Variants in TRAF7 observed in about 807,000 individuals in gnomAD.
TRAF7 encodes TNF receptor associated factor 7.
Under a neutral mutation model 89.3 loss-of-function variants are expected in TRAF7, and 45 were observed. The observed-to-expected ratio is 0.50, with a 90% confidence interval of 0.40 to 0.65. The LOEUF (loss-of-function observed/expected upper bound fraction) is 0.65. Among genes scored for constraint, TRAF7 ranks in the 30% least tolerant of loss-of-function variants. TRAF7 has a pLI of 0.00. For synonymous variants in TRAF7, 406 were observed against 369.2 expected (o/e 1.10, Z -1.14); for missense variants, 677 against 918.1 (o/e 0.74, Z 3.39).
intron 2 of TRAF7, among the ~76,000 whole-genome samples, chr16:2,165,194 A>G (rs2093078924): frequency 7.2e-6 from 1 of 138,984 alleles, no homozygotes; most frequent in Admixed American, 7.1e-5. Flanking sequence ...TAAGCGTGTG[A>G]GTGCTGCATG....
rs1483326050 is a variant in TRAF7, at chr16:2,177,674, C to T, written c.*1100C>T. 2 of 241,376 alleles carry T rather than the reference C, an allele frequency of 8.3e-6. No individual in the cohort carries two copies. Among genetic ancestry groups the T allele is most frequent in the Non-Finnish European group, 1.6e-5 (2 of 122,706 alleles). 15.0% of individuals were successfully genotyped at this position (241,376 alleles called of 1,614,324 possible). ...CTCAGAGGAGCTGCAAGCCCGTGGCCTGGCCTGCTACATGCCCTGCTTCCA... is the reference window on the plus strand; with the variant it reads ...CTCAGAGGAGCTGCAAGCCCGTGGCTTGGCCTGCTACATGCCCTGCTTCCA... On this transcript the variant is annotated 3_prime_UTR_variant, in exon 21 of 21. Coordinates refer to ENST00000326181, the MANE Select transcript of TRAF7 (RefSeq NM_032271.3).
chr16:2,174,012 C>T lies in TRAF7; in HGVS notation c.1227C>T (p.Asp409=), dbSNP rs1443792690. The T allele has an allele frequency of 6.2e-7, 1 of 1,613,732 alleles. No homozygotes were observed. Among genetic ancestry groups the T allele is most frequent in the South Asian group, 1.1e-5 (1 of 91,090 alleles). Residue 409 remains aspartate (D), a synonymous_variant, in exon 13 of 21, where the codon GAC becomes GAT. Transcript: ENST00000326181. The stretch of plus-strand genomic sequence containing the variant: ...GTCTCTGCGTCTACTCCATGGGTGA[C>T]CTGCTCTTCAGTGGCTCCTCTGACA... ...VWCLCVYSMG[D]LLFSGSSDKT...
intron 13 of TRAF7, 35 bp from the exon 14 acceptor site, chr16:2,174,216 C>G: frequency 1.2e-6 from 2 of 1,607,178 alleles, no homozygotes; most frequent in Non-Finnish European, 1.7e-6. Flanking sequence ...CTGGGCTGAC[C>G]TTGCTGGGAC....
chr16:2,168,066 T>C lies in TRAF7; in HGVS notation c.140-11T>C. The C allele has an allele frequency of 6.2e-7, 1 of 1,610,142 alleles. No individual in the cohort carries two copies. Among genetic ancestry groups the C allele is most frequent in the Non-Finnish European group, 8.5e-7 (1 of 1,179,640 alleles). Reference sequence around the variant, plus strand: ...AGCCCCCACTGAGACGCCAGCCCTCTTGCCTTGCAGCTGACGGGACCAGCA... The same window carrying C: ...AGCCCCCACTGAGACGCCAGCCCTCCTGCCTTGCAGCTGACGGGACCAGCA... On this transcript the variant is annotated splice_polypyrimidine_tract_variant and intron_variant, in intron 3 of 20. Transcript: ENST00000326181. This position sits in a 1 kb window ranked among gnomAD's most constrained non-coding sequence, Gnocchi z 4.1.
Position 2,161,061 on chromosome 16 carries a change from A to T in TRAF7, c.-38-2822A>T, listed in dbSNP as rs1339902595. 5.3e-5 allele frequency among the ~76,000 whole-genome samples: 8 copies of T among 152,126 alleles called. No homozygotes were observed. Among genetic ancestry groups the T allele is most frequent in the Non-Finnish European group, 1.2e-4 (8 of 67,942 alleles). Reference sequence around the variant, plus strand: ...GATCCTGCCTTAGGGCGGGACACAAACGTTCCCTGGCCTCCAGCCCCAGGG... The same window carrying T: ...GATCCTGCCTTAGGGCGGGACACAATCGTTCCCTGGCCTCCAGCCCCAGGG... On this transcript the variant is annotated intron_variant, in intron 1 of 20. Transcript: ENST00000326181. This position sits in a 1 kb window ranked among gnomAD's most constrained non-coding sequence, Gnocchi z 5.2.
Position 2,176,270 on chromosome 16 carries a change from G to C in TRAF7, c.1884G>C (p.Trp628Cys), listed in dbSNP as rs375612617. The change falls in exon 20 of 21, where the codon TGG (tryptophan) becomes TGC (cysteine). Residue 628 changes from tryptophan (W) to cysteine (C), a missense_variant. Trp to Cys is a radical substitution (Grantham distance 215). Coordinates refer to ENST00000326181, the MANE Select transcript of TRAF7 (RefSeq NM_032271.3). ...SASYDRSLRV[W>C]SMDNMICTQT... ...CACGTCCCATGTGCCCCCAGGTCTG[G>C]AGTATGGACAACATGATCTGCACGC... 66 of 1,601,922 alleles carry C rather than the reference G, an allele frequency of 4.1e-5. No individual in the cohort carries two copies. Among genetic ancestry groups the C allele is most frequent in the Non-Finnish European group, 5.4e-5 (64 of 1,179,534 alleles).
chr16:2,159,638 C>T lies in TRAF7; in HGVS notation c.-39+3780C>T, dbSNP rs529078973. Among the ~76,000 whole-genome samples the T allele has an allele frequency of 1.1e-4, 17 of 152,282 alleles. No individual in the cohort carries two copies. Among genetic ancestry groups the T allele is most frequent in the African/African-American group, 2.6e-4 (11 of 41,550 alleles). On this transcript the variant is annotated intron_variant, in intron 1 of 20. Coordinates refer to ENST00000326181, the MANE Select transcript of TRAF7 (RefSeq NM_032271.3). The surrounding 1 kb of genome is among the most constrained non-coding windows in gnomAD (Gnocchi z 6.5). ...CAGGGGCCACGCTCGGAGCTCTGGC[C>T]GCAGTCCAGCCAGCCGGCCACACAC...
At position 2,162,112 on chromosome 16, in the gene TRAF7, G is replaced by C. The variant is rs2093060400; in HGVS notation, c.-38-1771G>C. Among the ~76,000 whole-genome samples the C allele has an allele frequency of 6.6e-6, 1 of 152,276 alleles. No individual in the cohort carries two copies. Among genetic ancestry groups the C allele is most frequent in the African/African-American group, 2.4e-5 (1 of 41,478 alleles). On this transcript the variant is annotated intron_variant, in intron 1 of 20. Coordinates refer to ENST00000326181, the MANE Select transcript of TRAF7 (RefSeq NM_032271.3). This position sits in a 1 kb window ranked among gnomAD's most constrained non-coding sequence, Gnocchi z 5.0. ...GGACGCAAAGATCAGGTGGGGCCAGGTAGCTCGTGGCGCTGCCAACTGCAG... is the reference window on the plus strand; with the variant it reads ...GGACGCAAAGATCAGGTGGGGCCAGCTAGCTCGTGGCGCTGCCAACTGCAG...
At chr16:2,156,713 C>G (rs2093036153) in intron 1 of TRAF7, among the ~76,000 whole-genome samples, 1 of 94,382 alleles carries the variant, frequency 1.1e-5, no homozygotes, top group South Asian at 4.6e-4. Context: ...CCGGACCAGG[C>G]TCACAGGGTG....
chr16:2,172,518 G>C lies in TRAF7; in HGVS notation c.713G>C (p.Ser238Thr), dbSNP rs1294990193. The stretch of plus-strand genomic sequence containing the variant: ...CCTGTGCGGTGTCCCAACAACCCCA[G>C]CTGCCCCCCGCTGCTCAGGATGAAC... The part of the protein sequence containing the change: ...YRPVRCPNNP[S>T]CPPLLRMNLE... Residue 238 changes from serine to threonine, a missense_variant, in exon 9 of 21, where the codon AGC becomes ACC. Coordinates refer to ENST00000326181, the MANE Select transcript of TRAF7 (RefSeq NM_032271.3). The C allele has an allele frequency of 6.3e-7, 1 of 1,594,194 alleles. No individual in the cohort carries two copies. Among genetic ancestry groups the C allele is most frequent in the Non-Finnish European group, 8.5e-7 (1 of 1,171,190 alleles).
In TRAF7 at chr16:2,172,225, G is replaced by C; in HGVS notation, c.510G>C (p.Val170=). The change falls in exon 8 of 21, where the codon GTG becomes GTC. Residue 170 remains valine (V), a synonymous_variant. Transcript: ENST00000326181. ...CCGTGGACAACGTCAAACTGACCGT[G>C]GTGGTGAACAACATCGCGGTGGCCG... is the stretch of plus-strand genomic sequence containing the variant. The part of the protein sequence containing the change: ...KCPVDNVKLT[V]VVNNIAVAEQ... The C allele has an allele frequency of 6.2e-7, 1 of 1,613,100 alleles. No individual in the cohort carries two copies. Among genetic ancestry groups the C allele is most frequent in the Non-Finnish European group, 8.5e-7 (1 of 1,179,996 alleles).
chr16:2,164,183 C>T (rs532982995), intron 2 of TRAF7, among the ~76,000 whole-genome samples, 182 bp downstream of exon 2: 1,663 of 132,152 alleles, frequency 0.013, 41 homozygotes, highest in African/African-American at 0.045. Context: ...CGCGCGCGCA[C>T]GCGTGCGTGT....
At chr16:2,164,170 G>GCGCGCGCA (rs1567247377) in intron 2 of TRAF7, among the ~76,000 whole-genome samples, 169 bp downstream of exon 2, 7 of 120,032 alleles carry the variant, frequency 5.8e-5, no homozygotes, top group African/African-American at 2.8e-4. Flanking sequence ...GCGCGCGCGC[G>GCGCGCGCA]CGCGCGCGCG....
In TRAF7 at chr16:2,177,607, T is replaced by C. The variant is rs2093144326; in HGVS notation, c.*1033T>C. ...TCCGTGGGAACTCCACTGGGGTGGA[T>C]GGGCTGCCTGCACAGCCCCTGGAGA... On this transcript the variant is annotated 3_prime_UTR_variant, in exon 21 of 21. Coordinates refer to ENST00000326181, the MANE Select transcript of TRAF7 (RefSeq NM_032271.3). The C allele has an allele frequency of 4.2e-6, 1 of 236,620 alleles. No individual in the cohort carries two copies. Among genetic ancestry groups the C allele is most frequent in the Non-Finnish European group, 8.3e-6 (1 of 120,002 alleles). The allele number at this position is 236,620 out of a possible 1,614,324, so 14.7% of individuals were successfully genotyped here.
chr16:2,175,095 G>A lies in TRAF7; in HGVS notation c.1347-16G>A, dbSNP rs745628677. On this transcript the variant is annotated splice_polypyrimidine_tract_variant and intron_variant, in intron 14 of 20. Coordinates refer to ENST00000326181, the MANE Select transcript of TRAF7 (RefSeq NM_032271.3). ...ACAGCTTCTCCCACCTTGACACATT[G>A]TCTCTGCTTCCCCAGGTGCAAACTC... The A allele has an allele frequency of 6.2e-7, 1 of 1,613,856 alleles. No homozygotes were observed. Among genetic ancestry groups the A allele is most frequent in the Non-Finnish European group, 8.5e-7 (1 of 1,179,948 alleles).
rs985543905 is a variant in TRAF7 at position 2,163,131 on chromosome 16, G to A, written c.-38-752G>A. Among the ~76,000 whole-genome samples the A allele has an allele frequency of 1.3e-5, 2 of 152,220 alleles. No individual in the cohort carries two copies. Among genetic ancestry groups the A allele is most frequent in the Middle Eastern group, 3.4e-3 (1 of 294 alleles). ...CTCCCAGCACCCACGGAGGGGCCAC[G>A]TCTCCCCCAGGCCCACCAGCCCCTC... On this transcript the variant is annotated intron_variant, in intron 1 of 20. Coordinates refer to ENST00000326181, the MANE Select transcript of TRAF7 (RefSeq NM_032271.3). This position sits in a 1 kb window ranked among gnomAD's most constrained non-coding sequence, Gnocchi z 4.3.
intron 3 of TRAF7, among the ~76,000 whole-genome samples, chr16:2,166,545 C>A (rs1651981053): frequency 6.6e-6 from 1 of 152,188 alleles, no homozygotes; most frequent in South Asian, 2.1e-4. Context: ...GCTGGGACCA[C>A]AGGCACCACC....
rs1311438236 is a variant in TRAF7 at position 2,160,286 on chromosome 16, G to T, written c.-38-3597G>T. Among the ~76,000 whole-genome samples the T allele has an allele frequency of 3.3e-5, 5 of 152,036 alleles. No homozygotes were observed. The South Asian group carries it at 6.2e-4, about 19-fold the overall frequency. On this transcript the variant is annotated intron_variant, in intron 1 of 20. Coordinates refer to ENST00000326181, the MANE Select transcript of TRAF7 (RefSeq NM_032271.3). ...CAATCCTGCCCTTCCCCTCTGCACGGTGCTGACCCACGCACCTCGCCCCTG... is the reference window on the plus strand; with the variant it reads ...CAATCCTGCCCTTCCCCTCTGCACGTTGCTGACCCACGCACCTCGCCCCTG...
rs2093108850 is a variant in TRAF7, at chr16:2,171,289, C to A, written c.374C>A (p.Pro125His). The change falls in exon 6 of 21, where the codon CCC becomes CAC. Residue 125 changes from proline to histidine, a missense_variant. Pro to His is a moderately conservative substitution (Grantham distance 77). Transcript: ENST00000326181. ...EPEPLVFAEQ[P>H]SVKLCCQLCC... Reference sequence around the variant, plus strand: ...GAGCCACTGGTGTTTGCGGAGCAGCCCTCGGTGAAGCTGTGCTGTCAGCTC... The same window carrying A: ...GAGCCACTGGTGTTTGCGGAGCAGCACTCGGTGAAGCTGTGCTGTCAGCTC... The A allele has an allele frequency of 6.4e-7, 1 of 1,554,324 alleles. No homozygotes were observed. Among genetic ancestry groups the A allele is most frequent in the Non-Finnish European group, 8.7e-7 (1 of 1,149,806 alleles).
Sources: gnomAD v4.1 joint callset for allele counts (sites outside exome capture counted in the v4.1 genomes callset) on GRCh38, gnomAD v4.1.1 for gene constraint, Gnocchi (gnomAD v3.1) non-coding constraint, MANE v1.5 for transcripts, NCBI Gene and HGNC (gene_info 2026-07-23, HGNC 2026-07-21) for gene names.